Variants in TBC1D5 observed in about 807,000 individuals in gnomAD.
TBC1D5 encodes the protein TBC1 domain family, member 5.
TBC1D5 carries 75 observed loss-of-function variants against 100.3 expected under a neutral mutation model. That is an observed-to-expected ratio of 0.75 (90% CI 0.62 to 0.91). The LOEUF (loss-of-function observed/expected upper bound fraction) is 0.91, where lower values mean the gene tolerates loss of function less well. Among genes scored for constraint, TBC1D5 ranks in the 40% least tolerant of loss-of-function variants. The pLI is 0.00. For missense variants in TBC1D5, 910 were observed against 942.4 expected, an observed-to-expected ratio of 0.97 and a Z score of 0.45; for synonymous variants, 323 against 325.6, an observed-to-expected ratio of 0.99 and a Z score of 0.09.
intron 1 of TBC1D5, among the ~76,000 whole-genome samples, chr3:17,669,633 C>T (rs1577352734): frequency 7.2e-5 from 11 of 152,192 alleles, no homozygotes; most frequent in Admixed American, 7.2e-4. Flanking sequence ...TCTTATAGGG[C>T]TGTCATATTA....
chr3:17,226,229 A>G lies in TBC1D5; in HGVS notation c.1589-11859T>C, dbSNP rs982907020. Among the ~76,000 whole-genome samples, 6 of 151,230 alleles carry G rather than the reference A, an allele frequency of 4.0e-5. No individual in the cohort carries two copies. In the South Asian group the frequency reaches 8.5e-4, roughly 21 times the overall value. On this transcript the variant is annotated intron_variant, in intron 17 of 21. Coordinates refer to ENST00000253692, the Ensembl canonical transcript of TBC1D5. ...GGGCTCATCCAGGCTTCCCCTGGAC[A>G]GCTCCTGAGCTGAGGGGTCAGTATT... is the stretch of plus-strand genomic sequence containing the variant.
intron 2 of TBC1D5, among the ~76,000 whole-genome samples, chr3:17,597,126 C>T (rs1286500518): frequency 1.3e-5 from 2 of 152,114 alleles, no homozygotes; most frequent in Non-Finnish European, 2.9e-5. Flanking sequence ...TAAATTATTG[C>T]GTAGTATTTC....
At chr3:17,605,665 T>A (rs887105047) in intron 2 of TBC1D5, among the ~76,000 whole-genome samples, 1 of 152,214 alleles carries the variant, frequency 6.6e-6, no homozygotes, top group South Asian at 2.1e-4. Flanking sequence ...TCTACTTCTA[T>A]GATTAAAGAT....
intron 2 of TBC1D5, among the ~76,000 whole-genome samples, chr3:17,521,896 A>G (rs977713700): frequency 6.6e-6 from 1 of 152,146 alleles, no homozygotes. Flanking sequence ...CCATATTAAA[A>G]TGGCCAATTT....
At chr3:17,624,115 C>T (rs1485820104) in intron 1 of TBC1D5, among the ~76,000 whole-genome samples, 2 of 152,090 alleles carry the variant, frequency 1.3e-5, no homozygotes, top group Non-Finnish European at 2.9e-5. Flanking sequence ...TGATGTCAAA[C>T]ACTGTGTGGC....
intron 13 of TBC1D5, among the ~76,000 whole-genome samples, chr3:17,370,541 C>A (rs1467011828): frequency 2.0e-5 from 3 of 152,096 alleles, no homozygotes; most frequent in Non-Finnish European, 4.4e-5. Context: ...ATGTCACACA[C>A]AATTTTCTCA....
At chr3:17,438,445 T>A (rs1483008929) in intron 3 of TBC1D5, among the ~76,000 whole-genome samples, 2 of 152,146 alleles carry the variant, frequency 1.3e-5, no homozygotes, top group African/African-American at 2.4e-5. Flanking sequence ...GTTTTCCCCA[T>A]CCTCTTCTCA....
chr3:17,635,127 C>T (rs761714213), intron 1 of TBC1D5, among the ~76,000 whole-genome samples: 11 of 152,180 alleles, frequency 7.2e-5, no homozygotes, highest in Non-Finnish European at 1.5e-4. Flanking sequence ...CTGTTTCTGA[C>T]TGTGCTACTA....
intron 1 of TBC1D5, among the ~76,000 whole-genome samples, chr3:17,673,707 C>T (rs1054797328): frequency 1.3e-5 from 2 of 152,056 alleles, no homozygotes; most frequent in African/African-American, 4.8e-5. Flanking sequence ...TTACCTGAAA[C>T]GTGAAGGTCT....
At chr3:17,511,360 C>T (rs1453881721) in intron 2 of TBC1D5, among the ~76,000 whole-genome samples, 3 of 151,868 alleles carry the variant, frequency 2.0e-5, no homozygotes, top group Non-Finnish European at 4.4e-5. Flanking sequence ...TCTTTAATAT[C>T]TTAAACCATG....
chr3:17,354,339 A>T (rs1357153312), intron 13 of TBC1D5, among the ~76,000 whole-genome samples: 1 of 152,108 alleles, frequency 6.6e-6, no homozygotes, highest in African/African-American at 2.4e-5. Flanking sequence ...AGACTTTATC[A>T]CTTTTGTCTT....
At chr3:17,633,221 G>A (rs1263592169) in intron 1 of TBC1D5, among the ~76,000 whole-genome samples, 1 of 152,142 alleles carries the variant, frequency 6.6e-6, no homozygotes, top group Non-Finnish European at 1.5e-5. Flanking sequence ...TGGATCACCT[G>A]AGGTCAGGAG....
intron 3 of TBC1D5, among the ~76,000 whole-genome samples, chr3:17,472,795 T>A (rs1208689021): frequency 6.6e-6 from 1 of 152,128 alleles, no homozygotes; most frequent in Non-Finnish European, 1.5e-5. Context: ...AGCACATAAG[T>A]TTAAAAACAT....
chr3:17,338,691 T>C (rs1277809256), intron 13 of TBC1D5: 1 of 152,248 alleles, frequency 6.6e-6, no homozygotes, highest in Non-Finnish European at 1.5e-5. Context: ...TTGAAAGACA[T>C]GTTCAAAATA....
chr3:17,711,889 T>TG (rs1186462526), intron 1 of TBC1D5, among the ~76,000 whole-genome samples: 2 of 152,236 alleles, frequency 1.3e-5, no homozygotes, highest in African/African-American at 4.8e-5. Context: ...GGAATTGTGT[T>TG]GAAGGTAATG....
chr3:17,227,293 G>C (rs564082027), intron 17 of TBC1D5, among the ~76,000 whole-genome samples: 2 of 152,194 alleles, frequency 1.3e-5, no homozygotes, highest in South Asian at 4.2e-4. Flanking sequence ...CATTGTACTA[G>C]GAACATCTAG....
chr3:17,330,455 T>A (rs1290819427), intron 13 of TBC1D5, among the ~76,000 whole-genome samples: 2 of 152,140 alleles, frequency 1.3e-5, no homozygotes, highest in African/African-American at 4.8e-5. Flanking sequence ...CTCACTCTGC[T>A]TCTTTAGTGC....
At chr3:17,673,311 CTTTTT>C (rs374496313) in intron 1 of TBC1D5, among the ~76,000 whole-genome samples, 4 of 125,978 alleles carry the variant, frequency 3.2e-5, no homozygotes, top group South Asian at 2.6e-4. Flanking sequence ...CTTTTCTTTT[CTTTTT>C]TTTTTTTTTT....
At chr3:17,363,157 C>A (rs1012151053) in intron 13 of TBC1D5, among the ~76,000 whole-genome samples, 1 of 152,130 alleles carries the variant, frequency 6.6e-6, no homozygotes, top group African/African-American at 2.4e-5. Flanking sequence ...CTTGGCATAA[C>A]ATTTCCCCTA....
Sources: allele counts gnomAD v4.1 joint callset (sites outside exome capture counted in the v4.1 genomes callset), GRCh38; gene constraint gnomAD v4.1.1; transcripts MANE v1.5; gene names NCBI Gene and HGNC (gene_info 2026-07-23, HGNC 2026-07-21).